Variants in SYNJ1 observed in about 807,000 individuals in gnomAD.
SYNJ1 encodes the protein polyphosphatidylinositol phosphatase SYNJ1.
A neutral mutation model predicts 168.2 loss-of-function variants in SYNJ1; 78 were observed. The ratio of observed to expected loss-of-function variants is 0.46; its 90% CI spans 0.39 to 0.56. The LOEUF (loss-of-function observed/expected upper bound fraction) is 0.56, where lower values mean the gene tolerates loss of function less well. Ranked by LOEUF, SYNJ1 falls within the 20% of genes least tolerant of loss-of-function variation. The probability of loss-of-function intolerance (pLI) is 0.00; values close to 1 mark genes in which losing one functional copy is unlikely to be tolerated. For missense variants in SYNJ1, 1,303 were observed against 1,597.6 expected, an observed-to-expected ratio of 0.82 and a Z score of 3.14; for synonymous variants, 539 against 548.6, an observed-to-expected ratio of 0.98 and a Z score of 0.24.
chr21:32,702,185 C>T (rs543518191), intron 2 of SYNJ1, 138 bp from the exon 3 acceptor site: 2 of 550,728 alleles, frequency 3.6e-6, no homozygotes, highest in Non-Finnish European at 6.3e-6. Flanking sequence ...TTTTCTTAAA[C>T]TAGTAACATT....
rs777756786 is a variant in SYNJ1 at position 32,643,393 on chromosome 21, T to C, written c.3478+17A>G. 6.2e-6 allele frequency: 10 copies of C among 1,613,524 alleles called. No homozygotes were observed. In the East Asian group the frequency reaches 6.7e-5, roughly 11 times the overall value. On this transcript the variant is annotated intron_variant, in intron 27 of 32. Coordinates refer to ENST00000674351, the MANE Select transcript of SYNJ1 (RefSeq NM_203446.3). ...TAAAATGAGAGAACCACTTCTATAA[T>C]GCAAGAGTCTTGTTACCTTCCATCT...
At chr21:32,644,614 T>C (rs2039985649) in intron 26 of SYNJ1, among the ~76,000 whole-genome samples, 2 of 152,342 alleles carry the variant, frequency 1.3e-5, no homozygotes, top group Admixed American at 6.5e-5. Flanking sequence ...AAGAAAATCA[T>C]ACAGTTCTTT....
chr21:32,722,348 C>G (rs945740445), intron 2 of SYNJ1, among the ~76,000 whole-genome samples: 1 of 151,586 alleles, frequency 6.6e-6, no homozygotes, highest in Admixed American at 6.6e-5. Flanking sequence ...TTCACGAGTT[C>G]AGATCAGCCT....
intron 12 of SYNJ1, 131 bp from the exon 13 acceptor site, chr21:32,676,486 A>AAG: frequency 1.3e-6 from 1 of 744,880 alleles, no homozygotes. Context: ...TTTTTTTCTG[A>AAG]TAGCTATAGA....
In SYNJ1 at chr21:32,629,516, G is replaced by C. The variant is rs922383667; in HGVS notation, c.*2289C>G. ...TTGCTTTATAAGTGCAGTGCAGTTTGCTGTGCTTTTAACATTCTACATATT... is the reference window on the plus strand; with the variant it reads ...TTGCTTTATAAGTGCAGTGCAGTTTCCTGTGCTTTTAACATTCTACATATT... On this transcript the variant is annotated 3_prime_UTR_variant, in exon 33 of 33. Coordinates refer to ENST00000674351, the MANE Select transcript of SYNJ1 (RefSeq NM_203446.3). The C allele has an allele frequency of 6.6e-6, 1 of 152,600 alleles. No individual in the cohort carries two copies. Among genetic ancestry groups the C allele is most frequent in the Non-Finnish European group, 1.5e-5 (1 of 68,034 alleles). The allele number at this position is 152,600 out of a possible 1,614,324, so 9.5% of individuals were successfully genotyped here. A position where few individuals can be genotyped will look rare whatever the true frequency, so the allele number is the denominator to read the frequency against.
chr21:32,727,898 CCG>C, intron 1 of SYNJ1, 46 bp downstream of exon 1: 3 of 1,529,654 alleles, frequency 2.0e-6, no homozygotes, highest in Non-Finnish European at 2.6e-6. Context: ...GCCCGGCTGC[CCG>C]TGGGTCTGGC....
At position 32,681,668 on chromosome 21, in the gene SYNJ1, A is replaced by C. The variant is rs1421070500; in HGVS notation, c.1201-20T>G. 9 of 1,599,072 alleles carry C rather than the reference A, an allele frequency of 5.6e-6. No homozygotes were observed. The highest frequency in any genetic ancestry group is 7.7e-6 in the Non-Finnish European group (9 of 1,174,424). On this transcript the variant is annotated intron_variant, in intron 10 of 32. Coordinates refer to ENST00000674351, the MANE Select transcript of SYNJ1 (RefSeq NM_203446.3). Reference sequence around the variant, plus strand: ...TAGCATCTTAAAAAGCAAACAAGAAATTTTTATAAGTACATTAATATATTA... The same window carrying C: ...TAGCATCTTAAAAAGCAAACAAGAACTTTTTATAAGTACATTAATATATTA...
At chr21:32,708,349 C>T (rs910985071) in intron 2 of SYNJ1, among the ~76,000 whole-genome samples, 1 of 152,214 alleles carries the variant, frequency 6.6e-6, no homozygotes, top group Non-Finnish European at 1.5e-5. Context: ...AAGGCATCCA[C>T]TGCACTTTCA....
chr21:32,650,389 GCTAA>G (rs2040233090), intron 22 of SYNJ1, 43 bp from the exon 23 acceptor site: 1 of 1,542,672 alleles, frequency 6.5e-7, no homozygotes, highest in Non-Finnish European at 8.7e-7. Context: ...TAACATGAAA[GCTAA>G]CTAATTTGGA....
intron 23 of SYNJ1, among the ~76,000 whole-genome samples, chr21:32,646,900 A>G (rs1269413059): frequency 6.6e-6 from 1 of 152,144 alleles, no homozygotes; most frequent in Non-Finnish European, 1.5e-5. Context: ...CTCCAGTGCA[A>G]GCCAACTCAA....
At chr21:32,686,520 C>A (rs2041843593) in intron 8 of SYNJ1, among the ~76,000 whole-genome samples, 1 of 152,016 alleles carries the variant, frequency 6.6e-6, no homozygotes, top group South Asian at 2.1e-4. Flanking sequence ...TTCTTTTTGA[C>A]ATGAAATTCT....
At chr21:32,665,774 G>C (rs1051994935) in intron 17 of SYNJ1, among the ~76,000 whole-genome samples, 169 bp downstream of exon 17, 7 of 152,142 alleles carry the variant, frequency 4.6e-5, no homozygotes, top group African/African-American at 1.7e-4. Context: ...AATTGACTGA[G>C]CCCTGTCTCA....
chr21:32,728,214 TC>T, upstream of SYNJ1: 1 of 701,870 alleles, frequency 1.4e-6, no homozygotes, highest in Non-Finnish European at 2.2e-6. Flanking sequence ...AGAGCTGCGA[TC>T]CCACCGCCGG....
intron 31 of SYNJ1, among the ~76,000 whole-genome samples, chr21:32,638,060 T>A (rs567520590): frequency 2.6e-5 from 4 of 152,144 alleles, no homozygotes; most frequent in Non-Finnish European, 5.9e-5. Flanking sequence ...AAAAGAAGAC[T>A]TTTTATTTAT....
rs767607949 is a variant in SYNJ1 at position 32,726,835 on chromosome 21, T to C, written c.61A>G (p.Ile21Val). ...HKLDPPPFSL[I>V]VETRHKEECL... Reference sequence around the variant, plus strand: ...TCTTCCTTATGCCTAGTTTCCACTATGAGGCTGAAAGGTGGGGGATCCAAT... The same window carrying C: ...TCTTCCTTATGCCTAGTTTCCACTACGAGGCTGAAAGGTGGGGGATCCAAT... The change falls in exon 2 of 33, where the codon ATA (isoleucine) becomes GTA (valine). Residue 21 changes from isoleucine (I) to valine (V), a missense_variant. Around this residue, in one of 2 missense-constraint regions of SYNJ1, gnomAD observed 920 missense variants for 1,208.8 expected, o/e 0.76. Transcript: ENST00000674351. 13 of 1,614,210 alleles carry C rather than the reference T, an allele frequency of 8.1e-6. No individual in the cohort carries two copies. The highest frequency in any genetic ancestry group is 1.0e-5 in the Non-Finnish European group (12 of 1,180,042).
chr21:32,666,662 C>T (rs546002032), intron 15 of SYNJ1, 89 bp from the exon 16 acceptor site: 2 of 1,354,812 alleles, frequency 1.5e-6, no homozygotes, highest in East Asian at 5.0e-5. Context: ...CTTTATCTAC[C>T]CAAATATCCT....
At chr21:32,728,196 C>T (rs190150103), upstream of SYNJ1, 1,070 of 874,954 alleles carry the variant, frequency 1.2e-3, 12 homozygotes, top group African/African-American at 0.017. Context: ...CTGCGGCCGC[C>T]CCCAGGCAGA....
chr21:32,648,468 C>G (rs1326490377), intron 23 of SYNJ1, among the ~76,000 whole-genome samples: 2 of 152,208 alleles, frequency 1.3e-5, no homozygotes, highest in African/African-American at 4.8e-5. Context: ...TCTCATCTTT[C>G]TGTGTTACAA....
At chr21:32,683,711 A>C (rs1427934947) in intron 10 of SYNJ1, among the ~76,000 whole-genome samples, 6 of 152,162 alleles carry the variant, frequency 3.9e-5, no homozygotes, top group Admixed American at 2.6e-4. Context: ...GGCCAAATAC[A>C]CACATACACC....
Sources: allele counts gnomAD v4.1 joint callset (sites outside exome capture counted in the v4.1 genomes callset), GRCh38; gene constraint gnomAD v4.1.1; regional missense constraint gnomAD v4.1.1; transcripts MANE v1.5; gene names NCBI Gene and HGNC (gene_info 2026-07-23, HGNC 2026-07-21).